The following BCAT1 variants were observed in gnomAD, a reference collection of about 807,000 sequenced individuals.
The protein encoded by BCAT1 is branched-chain-amino-acid aminotransferase, cytosolic.
BCAT1 carries 48 observed loss-of-function variants against 52.4 expected under a neutral mutation model. That is an observed-to-expected ratio of 0.92 (90% CI 0.73 to 1.16). The LOEUF is 1.16. BCAT1 is among the 50% of genes most tolerant of loss of function. The probability of loss-of-function intolerance (pLI) is 0.00; values close to 1 mark genes in which losing one functional copy is unlikely to be tolerated. For synonymous variants in BCAT1, 167 were observed against 161.3 expected (o/e 1.04, Z -0.27); for missense variants, 451 against 457.1 (o/e 0.99, Z 0.12).
At chr12:24,943,799 A>G (rs766035076) in intron 1 of BCAT1, among the ~76,000 whole-genome samples, 1 of 151,850 alleles carries the variant, frequency 6.6e-6, no homozygotes, top group Non-Finnish European at 1.5e-5. Context: ...CCTGGCTAAC[A>G]TGGTGAAACC....
chr12:24,833,755 C>T (rs1205961855), intron 8 of BCAT1: 1 of 151,728 alleles, frequency 6.6e-6, no homozygotes, highest in East Asian at 1.9e-4. Context: ...GTGACAGAAA[C>T]TCAATTTGAA....
At chr12:24,840,454 T>C (rs1407870091) in intron 7 of BCAT1, among the ~76,000 whole-genome samples, 1 of 152,212 alleles carries the variant, frequency 6.6e-6, no homozygotes, top group Non-Finnish European at 1.5e-5. Context: ...ATATGTCACA[T>C]ACAGTAACTC....
In BCAT1 at chr12:24,912,563, A is replaced by G. The variant is rs577099993; in HGVS notation, c.7-10678T>C. Among the ~76,000 whole-genome samples, 7 of 152,034 alleles carry G rather than the reference A, an allele frequency of 4.6e-5. No homozygotes were observed. The South Asian group carries it at 1.5e-3, about 32-fold the overall frequency. On this transcript the variant is annotated intron_variant, in intron 1 of 10. Coordinates refer to ENST00000261192, the MANE Select transcript of BCAT1 (RefSeq NM_005504.7). The stretch of plus-strand genomic sequence containing the variant: ...ATGCCTGACAATGAGCAATATACAT[A>G]CACCCAAAGGAGAAAATGGGGCCGG...
intron 2 of BCAT1, among the ~76,000 whole-genome samples, chr12:24,898,670 C>T (rs1472717675): frequency 2.6e-5 from 4 of 151,760 alleles, no homozygotes; most frequent in African/African-American, 4.8e-5. Flanking sequence ...CATGTGTCAT[C>T]GCACCTGGCT....
chr12:24,909,834 A>G (rs1302186380), intron 1 of BCAT1, among the ~76,000 whole-genome samples: 1 of 152,128 alleles, frequency 6.6e-6, no homozygotes, highest in East Asian at 1.9e-4. Context: ...CCCACCTAGA[A>G]CCCAGTCACC....
intron 5 of BCAT1, among the ~76,000 whole-genome samples, chr12:24,862,282 C>T (rs1941866227): frequency 6.6e-6 from 1 of 152,228 alleles, no homozygotes; most frequent in African/African-American, 2.4e-5. Context: ...GTGGTCTAGA[C>T]TGGTATCCCT....
At chr12:24,927,584 A>C (rs1448525591) in intron 1 of BCAT1, among the ~76,000 whole-genome samples, 1 of 152,220 alleles carries the variant, frequency 6.6e-6, no homozygotes, top group Non-Finnish European at 1.5e-5. Flanking sequence ...ATAATGAGTG[A>C]CATTAACACA....
chr12:24,899,961 TTAGA>T (rs1156334594), intron 2 of BCAT1, among the ~76,000 whole-genome samples: 2 of 152,026 alleles, frequency 1.3e-5, no homozygotes, highest in Admixed American at 1.3e-4. Context: ...AAACATACAG[TTAGA>T]TAGAAGCGAT....
At chr12:24,860,005 T>C (rs117118087) in intron 5 of BCAT1, among the ~76,000 whole-genome samples, 2,068 of 152,342 alleles carry the variant, frequency 0.014, 17 homozygotes, top group Non-Finnish European at 0.024. Flanking sequence ...ATGTTATCAG[T>C]AATAATTATA....
At chr12:24,868,425 T>G (rs1039526973) in intron 5 of BCAT1, among the ~76,000 whole-genome samples, 1 of 152,184 alleles carries the variant, frequency 6.6e-6, no homozygotes, top group Non-Finnish European at 1.5e-5. Context: ...ACAAAATTGT[T>G]CATAGTATCA....
intron 5 of BCAT1, among the ~76,000 whole-genome samples, chr12:24,856,066 T>C (rs1251143362): frequency 1.3e-5 from 2 of 152,228 alleles, no homozygotes; most frequent in African/African-American, 4.8e-5. Context: ...ATGGCTTCCA[T>C]GTGTTGATTG....
At chr12:24,945,917 T>A (rs1278598059) in intron 1 of BCAT1, 1 of 152,206 alleles carries the variant, frequency 6.6e-6, no homozygotes, top group Non-Finnish European at 1.5e-5. Flanking sequence ...AGATTCTCAC[T>A]CTCCAGTATA....
intron 1 of BCAT1, among the ~76,000 whole-genome samples, chr12:24,926,361 G>A (rs7972955): frequency 0.16 from 24,177 of 150,974 alleles, 2,616 homozygotes; most frequent in South Asian, 0.38. Context: ...CTGGCCAGCC[G>A]CCCCGTCCGG....
At chr12:24,890,325 CGACTCCATCCT>C (rs879737520) in intron 3 of BCAT1, among the ~76,000 whole-genome samples, 1 of 152,074 alleles carries the variant, frequency 6.6e-6, no homozygotes, top group Non-Finnish European at 1.5e-5. Context: ...TGGACCAGAG[CGACTCCATCCT>C]GATTAGGGGC....
rs139235834 is a variant in BCAT1 at position 24,894,353 on chromosome 12, T to C, written c.201A>G (p.Gly67=). The C allele has an allele frequency of 8.5e-5, 137 of 1,613,922 alleles. No individual in the cohort carries two copies. The African/African-American group carries it at 1.4e-3, about 17-fold the overall frequency. Residue 67 remains glycine, a synonymous_variant, in exon 3 of 11, where the codon GGA becomes GGG. Transcript: ENST00000261192. Reference sequence around the variant, plus strand: ...GAGGCTTGATATGAGGTTTCTCCCATCCAAACTCTGAGGACCACTCCACCG... The same window carrying C: ...GAGGCTTGATATGAGGTTTCTCCCACCCAAACTCTGAGGACCACTCCACCG... ...MLTVEWSSEF[G]WEKPHIKPLQ...
Position 24,870,793 on chromosome 12 carries a change from C to T in BCAT1, c.510+7737G>A, listed in dbSNP as rs114523304. ...CTGCAATTCCAGCACTTTGGGAGGTCAAGTGGATCACCTGAGGTCAGGATT... is the reference window on the plus strand; with the variant it reads ...CTGCAATTCCAGCACTTTGGGAGGTTAAGTGGATCACCTGAGGTCAGGATT... On this transcript the variant is annotated intron_variant, in intron 5 of 10. Coordinates refer to ENST00000261192, the MANE Select transcript of BCAT1 (RefSeq NM_005504.7). Among the ~76,000 whole-genome samples, 1,126 of 152,214 alleles carry T rather than the reference C, an allele frequency of 7.4e-3. 9 individuals are homozygous for T. The highest frequency in any genetic ancestry group is 0.026 in the African/African-American group (1,090 of 41,538).
chr12:24,834,920 C>G, intron 8 of BCAT1: 2 of 324,498 alleles, frequency 6.2e-6, no homozygotes, highest in Non-Finnish European at 9.0e-6. Context: ...AGTGGTGACC[C>G]CCTACATGCC....
intron 1 of BCAT1, among the ~76,000 whole-genome samples, chr12:24,922,140 C>T (rs1228034067): frequency 6.6e-6 from 1 of 152,176 alleles, no homozygotes. Context: ...GACATGAGCA[C>T]ACACGCAAAC....
intron 5 of BCAT1, among the ~76,000 whole-genome samples, chr12:24,861,539 T>G (rs1439832272): frequency 6.6e-6 from 1 of 152,218 alleles, no homozygotes; most frequent in African/African-American, 2.4e-5. Context: ...TGATGCTTTC[T>G]CACTGAGCTC....
Sources: allele counts gnomAD v4.1 joint callset (sites outside exome capture counted in the v4.1 genomes callset), GRCh38; gene constraint gnomAD v4.1.1; transcripts MANE v1.5; gene names NCBI Gene and HGNC (gene_info 2026-07-23, HGNC 2026-07-21).